The following CDH13 variants were observed in gnomAD, a reference collection of about 807,000 sequenced individuals.
The protein encoded by CDH13 is cadherin-13.
CDH13 carries 24 observed loss-of-function variants against 63.8 expected under a neutral mutation model. The observed-to-expected ratio is 0.38, with a 90% CI of 0.27 to 0.53. CDH13 has a LOEUF of 0.53. Among genes scored for constraint, CDH13 ranks in the 20% least tolerant of loss-of-function variants. CDH13 has a pLI of 0.85. For missense variants in CDH13, 1,049 were observed against 903.1 expected, an observed-to-expected ratio of 1.16 and a Z score of -2.07; for synonymous variants, 503 against 355.3, an observed-to-expected ratio of 1.42 and a Z score of -4.67.
intron 8 of CDH13, among the ~76,000 whole-genome samples, chr16:83,656,744 T>A (rs774615926): frequency 2.6e-5 from 4 of 152,244 alleles, no homozygotes; most frequent in Non-Finnish European, 4.4e-5. Context: ...CCCCTACAGT[T>A]TTGGCAATAT....
chr16:83,005,730 G>T (rs1386006351), intron 2 of CDH13, among the ~76,000 whole-genome samples: 2 of 152,218 alleles, frequency 1.3e-5, no homozygotes, highest in African/African-American at 2.4e-5. Context: ...CAACAAGAGA[G>T]CTAGGCTTTT....
chr16:82,725,843 C>A lies in CDH13; in HGVS notation c.45+98706C>A, dbSNP rs540431350. On this transcript the variant is annotated intron_variant, in intron 1 of 13. Transcript: ENST00000567109. ...TTTCAGGCAAGAGTGATTTTTAACT[C>A]ATTAACCAGATAATTATTGCAGTTC... Among the ~76,000 whole-genome samples the A allele has an allele frequency of 3.9e-5, 6 of 152,236 alleles. No individual in the cohort carries two copies. In the East Asian group the frequency reaches 9.6e-4, roughly 24 times the overall value.
chr16:82,889,095 A>G (rs2040988363), intron 2 of CDH13, among the ~76,000 whole-genome samples: 1 of 152,232 alleles, frequency 6.6e-6, no homozygotes. Context: ...GTCACTCTTC[A>G]AGTGGTTATT....
rs1909859677 is a variant in CDH13, at chr16:82,644,617, A to T, written c.45+17480A>T. Reference sequence around the variant, plus strand: ...AAGCTGAGGGGCTGTACGTGTCTTCATAGGTCTCCAGTCTGTAAAAGCAAC... The same window carrying T: ...AAGCTGAGGGGCTGTACGTGTCTTCTTAGGTCTCCAGTCTGTAAAAGCAAC... On this transcript the variant is annotated intron_variant, in intron 1 of 13. Coordinates refer to ENST00000567109, the MANE Select transcript of CDH13 (RefSeq NM_001257.5). This position sits in a 1 kb window ranked among gnomAD's most constrained non-coding sequence, Gnocchi z 5.7. Among the ~76,000 whole-genome samples, 1 of 152,158 alleles carries T rather than the reference A, an allele frequency of 6.6e-6. No individual in the cohort carries two copies. Among genetic ancestry groups the T allele is most frequent in the Admixed American group, 6.5e-5 (1 of 15,272 alleles).
chr16:83,465,057 G>A (rs150679474), intron 6 of CDH13, among the ~76,000 whole-genome samples: 351 of 152,282 alleles, frequency 2.3e-3, no homozygotes, highest in African/African-American at 8.1e-3. Context: ...TTTTCCACAA[G>A]CATTTGGGTG....
chr16:82,777,740 G>C (rs2035563567), intron 1 of CDH13, among the ~76,000 whole-genome samples: 1 of 152,188 alleles, frequency 6.6e-6, no homozygotes. Flanking sequence ...CCTAAGACTT[G>C]ACTGGGCATG....
intron 2 of CDH13, among the ~76,000 whole-genome samples, chr16:82,972,378 ATTTC>A (rs1338540837): frequency 1.3e-5 from 2 of 152,196 alleles, no homozygotes; most frequent in Non-Finnish European, 2.9e-5. Context: ...TGTTCATTCC[ATTTC>A]TGCAGAGGCT....
intron 5 of CDH13, among the ~76,000 whole-genome samples, chr16:83,333,789 G>C (rs2151905640): frequency 6.6e-6 from 1 of 152,266 alleles, no homozygotes; most frequent in East Asian, 1.9e-4. Context: ...GACAGCTTTG[G>C]TTTGCACCTG....
intron 4 of CDH13, among the ~76,000 whole-genome samples, chr16:83,167,499 C>CAAAAAGAAAAAAA (rs2037730009): frequency 1.0e-5 from 1 of 99,552 alleles, no homozygotes; most frequent in African/African-American, 4.0e-5. Flanking sequence ...GACCCTTTCC[C>CAAAAAGAAAAAAA]AAAAAAAAAA....
At chr16:83,579,929 C>T (rs1905397904) in intron 7 of CDH13, among the ~76,000 whole-genome samples, 1 of 152,120 alleles carries the variant, frequency 6.6e-6, no homozygotes, top group African/African-American at 2.4e-5. Flanking sequence ...TGAGCATGTG[C>T]TTACCTGGGA....
chr16:82,727,151 T>C (rs796875272), intron 1 of CDH13, among the ~76,000 whole-genome samples: 8 of 152,266 alleles, frequency 5.3e-5, no homozygotes, highest in African/African-American at 1.9e-4. Flanking sequence ...GCAAATCAAA[T>C]GACAGCAACA....
chr16:82,663,893 T>G (rs1912275863), intron 1 of CDH13, among the ~76,000 whole-genome samples: 1 of 152,164 alleles, frequency 6.6e-6, no homozygotes, highest in Admixed American at 6.5e-5. Context: ...CTTCAGAAAG[T>G]CTTCTCTACC....
intron 7 of CDH13, among the ~76,000 whole-genome samples, chr16:83,522,236 A>G (rs745617611): frequency 4.6e-5 from 7 of 152,230 alleles, no homozygotes; most frequent in Non-Finnish European, 1.0e-4. Context: ...TGGAAAGGCC[A>G]TAACAGCTGC....
chr16:82,990,857 T>A (rs1426249601), intron 2 of CDH13, among the ~76,000 whole-genome samples: 2 of 152,210 alleles, frequency 1.3e-5, no homozygotes, highest in Non-Finnish European at 2.9e-5. Context: ...CTTTTTAAAA[T>A]GAAGACTTTC....
In CDH13 at chr16:82,797,774, C is replaced by CGTGTGTGTGTGTGTGT. The variant is rs3046484; in HGVS notation, c.46-60569_46-60554dup. Among the ~76,000 whole-genome samples the CGTGTGTGTGTGTGTGT allele has an allele frequency of 1.2e-3, 171 of 145,648 alleles. 1 individual carries two copies. The highest frequency in any genetic ancestry group is 7.1e-3 in the Middle Eastern group (2 of 282). On this transcript the variant is annotated intron_variant, in intron 1 of 13. Coordinates refer to ENST00000567109, the MANE Select transcript of CDH13 (RefSeq NM_001257.5). ...AAGGGCCCATGTATGACTTTAGGGC[C>CGTGTGTGTGTGTGTGT]GTGTGTGTGTGTGTGTGTGTGTGTG...
chr16:82,814,945 GA>G (rs1033611905), intron 1 of CDH13, among the ~76,000 whole-genome samples: 1 of 152,098 alleles, frequency 6.6e-6, no homozygotes, highest in Non-Finnish European at 1.5e-5. Context: ...ATGTATTGGG[GA>G]AAAACCCACT....
intron 1 of CDH13, among the ~76,000 whole-genome samples, chr16:82,652,408 C>G (rs974885565): frequency 1.7e-4 from 26 of 152,218 alleles, no homozygotes; most frequent in Non-Finnish European, 3.2e-4. Context: ...CGTTATATAT[C>G]TTCTATCCTG....
intron 7 of CDH13, among the ~76,000 whole-genome samples, chr16:83,500,381 C>CT (rs201589608): frequency 0.53 from 283 of 538 alleles, 138 homozygotes; most frequent in Non-Finnish European, 1. Flanking sequence ...CTTCTTTCTT[C>CT]TTCTTCTTCT....
In CDH13 at chr16:82,720,653, G is replaced by T. The variant is rs150741901; in HGVS notation, c.45+93516G>T. Among the ~76,000 whole-genome samples, 180 of 151,952 alleles carry T rather than the reference G, an allele frequency of 1.2e-3. 1 individual carries two copies. Among genetic ancestry groups the T allele is most frequent in the African/African-American group, 4.1e-3 (172 of 41,492 alleles). ...GGAGAATGTACAAACTCCACACACA[G>T]GGTGGTCTGGGCCAAGAGTTAGTGT... On this transcript the variant is annotated intron_variant, in intron 1 of 13. Coordinates refer to ENST00000567109, the MANE Select transcript of CDH13 (RefSeq NM_001257.5).
Sources: gnomAD v4.1 joint callset for allele counts (sites outside exome capture counted in the v4.1 genomes callset) on GRCh38, gnomAD v4.1.1 for gene constraint, Gnocchi (gnomAD v3.1) non-coding constraint, MANE v1.5 for transcripts, NCBI Gene and HGNC (gene_info 2026-07-23, HGNC 2026-07-21) for gene names.